Variants in ASAP1 observed in about 807,000 individuals in gnomAD.
The protein encoded by ASAP1 is arf-GAP with SH3 domain, ANK repeat and PH domain-containing protein 1.
A neutral mutation model predicts 145.2 loss-of-function variants in ASAP1; 43 were observed. The observed-to-expected ratio is 0.30, with a 90% CI of 0.23 to 0.38. The LOEUF (loss-of-function observed/expected upper bound fraction) is 0.38, where lower values mean the gene tolerates loss of function less well. Among genes scored for constraint, ASAP1 ranks in the 10% least tolerant of loss-of-function variants. ASAP1 has a pLI of 1.00. For missense variants in ASAP1, 1,018 were observed against 1,355.3 expected, an observed-to-expected ratio of 0.75 and a Z score of 3.91; for synonymous variants, 546 against 515.5, an observed-to-expected ratio of 1.06 and a Z score of -0.80.
chr8:130,214,537 C>T lies in ASAP1; in HGVS notation c.405+19G>A, dbSNP rs1816776582. 6.4e-6 allele frequency: 10 copies of T among 1,571,766 alleles called. No homozygotes were observed. Among genetic ancestry groups the T allele is most frequent in the Admixed American group, 6.0e-5 (3 of 50,396 alleles). ...TGGAAAGGCTGTAATTCTTTTTACT[C>T]ACATATGAAATGTCTTACCAGATTT... On this transcript the variant is annotated intron_variant, in intron 5 of 29. Coordinates refer to ENST00000518721, the MANE Select transcript of ASAP1 (RefSeq NM_018482.4).
Position 130,310,475 on chromosome 8 carries a change from G to A in ASAP1, c.186+47542C>T, listed in dbSNP as rs188670527. On this transcript the variant is annotated intron_variant, in intron 3 of 29. Transcript: ENST00000518721. ...GAAGAGTCTAAACTTCATGGTGATA[G>A]ATGTGTCATGAAGTGAATTAAACCA... is the stretch of plus-strand genomic sequence containing the variant. Among the ~76,000 whole-genome samples the A allele has an allele frequency of 5.9e-5, 9 of 152,242 alleles. No homozygotes were observed. In the East Asian group the frequency reaches 1.7e-3, roughly 29 times the overall value.
At chr8:130,300,153 C>CACACACACACACAGAGAGAG (rs1196584279) in intron 3 of ASAP1, among the ~76,000 whole-genome samples, 2 of 76,892 alleles carry the variant, frequency 2.6e-5, no homozygotes, top group East Asian at 4.9e-4. Context: ...CACACACACA[C>CACACACACACACAGAGAGAG]AGAGAGAGAG....
At chr8:130,238,445 C>T (rs1818341917) in intron 3 of ASAP1, among the ~76,000 whole-genome samples, 1 of 152,126 alleles carries the variant, frequency 6.6e-6, no homozygotes, top group African/African-American at 2.4e-5. Flanking sequence ...TGTTAACCTT[C>T]CTACAGTCTG....
chr8:130,391,507 A>G (rs1459603684), intron 2 of ASAP1, among the ~76,000 whole-genome samples: 2 of 152,250 alleles, frequency 1.3e-5, no homozygotes, highest in Non-Finnish European at 2.9e-5. Flanking sequence ...ATTCACTACT[A>G]CCAACCAGAG....
intron 1 of ASAP1, among the ~76,000 whole-genome samples, chr8:130,434,898 C>G (rs1052902801): frequency 2.0e-5 from 3 of 152,092 alleles, no homozygotes; most frequent in Admixed American, 1.3e-4. Context: ...CCCCTTAGCT[C>G]GAACAAGCTT....
chr8:130,171,502 C>G (rs1451441295), intron 9 of ASAP1, among the ~76,000 whole-genome samples: 2 of 152,146 alleles, frequency 1.3e-5, no homozygotes, highest in Non-Finnish European at 2.9e-5. Context: ...GAGACTCACT[C>G]ATTATCAAGA....
Position 130,358,204 on chromosome 8 carries a change from G to A in ASAP1, c.60-61C>T. The A allele has an allele frequency of 1.4e-6, 2 of 1,462,198 alleles. No individual in the cohort carries two copies. Among genetic ancestry groups the A allele is most frequent in the African/African-American group, 1.4e-5 (1 of 70,732 alleles). 90.6% of individuals were successfully genotyped at this position (1,462,198 alleles called of 1,614,324 possible). A position where few individuals can be genotyped will look rare whatever the true frequency, so the allele number is the denominator to read the frequency against. ...GGTGAGTCACGGCGCAGGCTCCCGG[G>A]GCCGCGGGCCGCCCGGAGGCTCATG... On this transcript the variant is annotated intron_variant, in intron 2 of 29. Coordinates refer to ENST00000518721, the MANE Select transcript of ASAP1 (RefSeq NM_018482.4). This position sits in a 1 kb window ranked among gnomAD's most constrained non-coding sequence, Gnocchi z 4.1.
chr8:130,277,313 C>A (rs902264225), intron 3 of ASAP1, among the ~76,000 whole-genome samples: 8 of 152,104 alleles, frequency 5.3e-5, no homozygotes, highest in Non-Finnish European at 1.0e-4. Flanking sequence ...ACGAGGACAA[C>A]GGCTATAGGC....
intron 3 of ASAP1, among the ~76,000 whole-genome samples, chr8:130,306,345 A>G (rs888818922): frequency 1.3e-5 from 2 of 152,222 alleles, no homozygotes; most frequent in Non-Finnish European, 2.9e-5. Context: ...GTAAATGCAC[A>G]TAAGTGACTT....
At position 130,179,665 on chromosome 8, in the gene ASAP1, G is replaced by T. The variant is rs533545336; in HGVS notation, c.661-316C>A. 6.6e-5 allele frequency among the ~76,000 whole-genome samples: 10 copies of T among 152,212 alleles called. No homozygotes were observed. The East Asian group carries it at 1.9e-3, about 29-fold the overall frequency. On this transcript the variant is annotated intron_variant, in intron 8 of 29. Coordinates refer to ENST00000518721, the MANE Select transcript of ASAP1 (RefSeq NM_018482.4). ...GTATAGTTTATGTGGTCAAAAACTG[G>T]AAAGATTGATTGTTTTTTGCAGAAA...
At chr8:130,243,611 A>G (rs1565128467) in intron 3 of ASAP1, among the ~76,000 whole-genome samples, 1 of 152,134 alleles carries the variant, frequency 6.6e-6, no homozygotes, top group Non-Finnish European at 1.5e-5. Context: ...CCACACCTAC[A>G]GTCTTTCTAA....
intron 7 of ASAP1, among the ~76,000 whole-genome samples, 180 bp downstream of exon 7, chr8:130,187,056 A>G (rs1399384432): frequency 6.6e-6 from 1 of 152,214 alleles, no homozygotes; most frequent in African/African-American, 2.4e-5. Context: ...ACTTTAGGTC[A>G]GTGTACCCAA....
At chr8:130,201,550 T>C (rs1815869672) in intron 5 of ASAP1, among the ~76,000 whole-genome samples, 1 of 152,226 alleles carries the variant, frequency 6.6e-6, no homozygotes, top group Non-Finnish European at 1.5e-5. Flanking sequence ...AAAATGAAAG[T>C]ACCATTTCCC....
At chr8:130,276,572 C>T in intron 3 of ASAP1, among the ~76,000 whole-genome samples, 1 of 152,034 alleles carries the variant, frequency 6.6e-6, no homozygotes, top group East Asian at 1.9e-4. Context: ...TCTTCTGTGA[C>T]AGTACCTCAG....
At position 130,214,561 on chromosome 8, in the gene ASAP1, T is replaced by A. The variant is rs151281725; in HGVS notation, c.400A>T (p.Asn134Tyr). ...LTKELSTLLK[N>Y]LLQGLSHNVI... The stretch of plus-strand genomic sequence containing the variant: ...TCACATATGAAATGTCTTACCAGAT[T>A]TTTCAGCAGTGTGGACAGTTCCTTT... Residue 134 changes from asparagine (N) to tyrosine (Y), a missense_variant, in exon 5 of 30, where the codon AAT (asparagine) becomes TAT (tyrosine). Asn to Tyr is a moderately radical substitution (Grantham distance 143, BLOSUM62 -2). Transcript: ENST00000518721. The A allele has an allele frequency of 2.5e-6, 4 of 1,596,058 alleles. No individual in the cohort carries two copies. The highest frequency in any genetic ancestry group is 2.6e-6 in the Non-Finnish European group (3 of 1,174,490).
intron 3 of ASAP1, among the ~76,000 whole-genome samples, chr8:130,288,215 T>G (rs1247275426): frequency 6.6e-6 from 1 of 152,192 alleles, no homozygotes; most frequent in African/African-American, 2.4e-5. Context: ...TGTGGCTTTT[T>G]TCTGATAAAG....
rs1298356251 is a variant in ASAP1, at chr8:130,390,944, C to CA, written c.59+10940_59+10941insT. 2.7e-5 allele frequency among the ~76,000 whole-genome samples: 4 copies of CA among 148,730 alleles called. No individual in the cohort carries two copies. The Admixed American group carries it at 2.7e-4, about 10-fold the overall frequency. ...CTTCTGGGTATATATCCCCCGCCCC[C>CA]CCAAAATTGAAAGCAGGATCTGGAG... On this transcript the variant is annotated intron_variant, in intron 2 of 29. Coordinates refer to ENST00000518721, the MANE Select transcript of ASAP1 (RefSeq NM_018482.4).
chr8:130,194,116 C>A (rs769763993), intron 5 of ASAP1, among the ~76,000 whole-genome samples: 1 of 151,996 alleles, frequency 6.6e-6, no homozygotes, highest in African/African-American at 2.4e-5. Context: ...AAATCATGAA[C>A]GCAAAACATG....
At chr8:130,390,803 G>C (rs529631519) in intron 2 of ASAP1, among the ~76,000 whole-genome samples, 1 of 152,214 alleles carries the variant, frequency 6.6e-6, no homozygotes, top group Non-Finnish European at 1.5e-5. Flanking sequence ...GGAGACATGG[G>C]AACTCTTGTG....
Sources: gnomAD v4.1 joint callset for allele counts (sites outside exome capture counted in the v4.1 genomes callset) on GRCh38, gnomAD v4.1.1 for gene constraint, Gnocchi (gnomAD v3.1) non-coding constraint, MANE v1.5 for transcripts, NCBI Gene and HGNC (gene_info 2026-07-23, HGNC 2026-07-21) for gene names.